Variants in COG5 observed in about 807,000 individuals in gnomAD.
The protein encoded by COG5 is conserved oligomeric Golgi complex subunit 5.
COG5 carries 86 observed loss-of-function variants against 110.4 expected under a neutral mutation model. That is an observed-to-expected ratio of 0.78 (90% CI 0.65 to 0.93). The LOEUF (loss-of-function observed/expected upper bound fraction) is 0.93, where lower values mean the gene tolerates loss of function less well. Among genes scored for constraint, COG5 ranks in the 40% least tolerant of loss-of-function variants. The pLI, the probability that COG5 is intolerant of heterozygous loss-of-function variation, is 0.00. For synonymous variants in COG5, 360 were observed against 334.6 expected (o/e 1.08, Z -0.83); for missense variants, 1,077 against 987.0 (o/e 1.09, Z -1.22).
chr7:107,378,136 G>A (rs1189166344), intron 7 of COG5, among the ~76,000 whole-genome samples: 1 of 152,178 alleles, frequency 6.6e-6, no homozygotes, highest in East Asian at 1.9e-4. Flanking sequence ...ACAGGGTCTG[G>A]AGCGGACCTC....
At chr7:107,359,974 C>T (rs1812959464) in intron 10 of COG5, among the ~76,000 whole-genome samples, 1 of 152,306 alleles carries the variant, frequency 6.6e-6, no homozygotes, top group East Asian at 1.9e-4. Flanking sequence ...GCACAGGTGG[C>T]AAGATGACCT....
At chr7:107,502,120 G>C (rs551678499) in intron 6 of COG5, among the ~76,000 whole-genome samples, 3 of 152,154 alleles carry the variant, frequency 2.0e-5, no homozygotes, top group Non-Finnish European at 4.4e-5. Flanking sequence ...TATCACACAA[G>C]TAGTGTACTT....
chr7:107,482,900 T>C (rs1243057125), intron 6 of COG5, among the ~76,000 whole-genome samples: 1 of 152,322 alleles, frequency 6.6e-6, no homozygotes, highest in Non-Finnish European at 1.5e-5. Context: ...AGAAGTACTA[T>C]TCTTGCACAT....
intron 1 of COG5, among the ~76,000 whole-genome samples, chr7:107,558,431 C>T (rs533857365): frequency 2.0e-5 from 3 of 151,258 alleles, no homozygotes; most frequent in Admixed American, 6.6e-5. Flanking sequence ...AACCTCAAAC[C>T]CCATCTCTAC....
At chr7:107,473,849 C>A (rs1198211745) in intron 6 of COG5, among the ~76,000 whole-genome samples, 2 of 151,886 alleles carry the variant, frequency 1.3e-5, no homozygotes, top group East Asian at 3.9e-4. Context: ...AAGGAAAACA[C>A]AATTTTCTTT....
intron 10 of COG5, among the ~76,000 whole-genome samples, chr7:107,326,954 T>C (rs950364945): frequency 1.3e-5 from 2 of 152,046 alleles, no homozygotes; most frequent in African/African-American, 2.4e-5. Context: ...GGTGGGAGAA[T>C]TGCTTGAGCC....
intron 10 of COG5, among the ~76,000 whole-genome samples, chr7:107,352,140 T>C (rs1490397766): frequency 6.8e-6 from 1 of 148,086 alleles, no homozygotes; most frequent in East Asian, 2.0e-4. Context: ...TAAAAAATGA[T>C]GAGTTCATAT....
chr7:107,308,495 T>C (rs1260391218), intron 11 of COG5, among the ~76,000 whole-genome samples: 4 of 152,178 alleles, frequency 2.6e-5, no homozygotes, highest in Non-Finnish European at 1.5e-5. Flanking sequence ...TTAAATAAAA[T>C]TAGCAGCCAC....
At chr7:107,490,638 T>C (rs560096740) in intron 6 of COG5, among the ~76,000 whole-genome samples, 154 of 152,272 alleles carry the variant, frequency 1.0e-3, no homozygotes, top group Non-Finnish European at 1.3e-3. Context: ...ACCTACTATA[T>C]ACTGGGCAGG....
chr7:107,204,454 G>A lies in COG5; in HGVS notation c.2376-824C>T, dbSNP rs909311945. ...AAGTGGAGCTAAAAAGAATGGCTAC[G>A]AGATTAATTTTTAATTATTGGTCTA... is the stretch of plus-strand genomic sequence containing the variant. On this transcript the variant is annotated intron_variant, in intron 21 of 21. Coordinates refer to ENST00000297135, the MANE Select transcript of COG5 (RefSeq NM_006348.5). 9.2e-5 allele frequency among the ~76,000 whole-genome samples: 14 copies of A among 152,214 alleles called. No homozygotes were observed. In the East Asian group the frequency reaches 1.2e-3, roughly 13 times the overall value.
At chr7:107,460,907 T>C (rs573253455) in intron 6 of COG5, among the ~76,000 whole-genome samples, 3 of 151,980 alleles carry the variant, frequency 2.0e-5, no homozygotes, top group South Asian at 2.1e-4. Flanking sequence ...ACAGAAGAAA[T>C]AGAAAATATG....
intron 10 of COG5, among the ~76,000 whole-genome samples, chr7:107,347,382 C>T (rs1346275110): frequency 6.6e-6 from 1 of 152,070 alleles, no homozygotes; most frequent in African/African-American, 2.4e-5. Flanking sequence ...AAGTTAGACA[C>T]AAAGCAAGAA....
chr7:107,327,100 C>T (rs1584682387), intron 10 of COG5, among the ~76,000 whole-genome samples: 1 of 152,054 alleles, frequency 6.6e-6, no homozygotes, highest in East Asian at 1.9e-4. Context: ...TAAAGACAGA[C>T]ATAGGGACCA....
At chr7:107,522,547 TAACA>T (rs970901376) in intron 6 of COG5, among the ~76,000 whole-genome samples, 2 of 152,218 alleles carry the variant, frequency 1.3e-5, no homozygotes, top group Admixed American at 1.3e-4. Flanking sequence ...TATAACTATG[TAACA>T]AACCTGCATG....
intron 2 of COG5, 125 bp from the exon 3 acceptor site, chr7:107,554,467 CA>C: frequency 1.3e-6 from 1 of 795,312 alleles, no homozygotes; most frequent in Non-Finnish European, 2.1e-6. Context: ...AAGAAAAAAC[CA>C]CAGGTTTTTA....
chr7:107,520,892 C>T (rs777849321), intron 6 of COG5, among the ~76,000 whole-genome samples: 4 of 152,184 alleles, frequency 2.6e-5, no homozygotes, highest in Non-Finnish European at 4.4e-5. Context: ...TGACTTCAAA[C>T]TATACTACAA....
intron 11 of COG5, among the ~76,000 whole-genome samples, chr7:107,308,442 T>G (rs1228389402): frequency 1.3e-5 from 2 of 152,320 alleles, no homozygotes; most frequent in East Asian, 3.9e-4. Context: ...CTAACAGGAC[T>G]ACTGCATATG....
chr7:107,510,116 A>T (rs771866982), intron 6 of COG5, among the ~76,000 whole-genome samples: 210 of 152,288 alleles, frequency 1.4e-3, no homozygotes, highest in Non-Finnish European at 2.3e-3. Context: ...AACTGGATAG[A>T]GTCAAGACCC....
chr7:107,316,364 GAAGTT>G (rs1041875650), intron 11 of COG5, among the ~76,000 whole-genome samples: 20 of 152,240 alleles, frequency 1.3e-4, no homozygotes, highest in East Asian at 5.8e-4. Flanking sequence ...CCTTGAAGAA[GAAGTT>G]AAGTTATCTT....
Sources: allele counts gnomAD v4.1 joint callset (sites outside exome capture counted in the v4.1 genomes callset), GRCh38; gene constraint gnomAD v4.1.1; transcripts MANE v1.5; gene names NCBI Gene and HGNC (gene_info 2026-07-23, HGNC 2026-07-21).